ROBO1: variants seen among roughly 807,000 people sequenced by gnomAD.
The protein encoded by ROBO1 is roundabout homolog 1.
A neutral mutation model predicts 195.9 loss-of-function variants in ROBO1; 149 were observed. That is an observed-to-expected ratio of 0.76 (90% confidence interval 0.67 to 0.87). ROBO1 has a LOEUF of 0.87. Among genes scored for constraint, ROBO1 ranks in the 40% least tolerant of loss-of-function variants. ROBO1 has a pLI of 0.00. For synonymous variants in ROBO1, 816 were observed against 733.2 expected, an observed-to-expected ratio of 1.11 and a Z score of -1.82; for missense variants, 1,933 against 2,068.3, an observed-to-expected ratio of 0.93 and a Z score of 1.27.
intron 2 of ROBO1, among the ~76,000 whole-genome samples, chr3:79,194,725 A>G (rs2081602258): frequency 6.6e-6 from 1 of 151,714 alleles, no homozygotes. Context: ...TTATTGTAGT[A>G]GAATGGTGAA....
At chr3:79,200,071 A>G (rs2081733743) in intron 2 of ROBO1, among the ~76,000 whole-genome samples, 1 of 151,832 alleles carries the variant, frequency 6.6e-6, no homozygotes, top group Admixed American at 6.6e-5. Flanking sequence ...CAAAAAGCAG[A>G]GCCATTTATA....
At chr3:78,938,402 A>G (rs1335748328) in intron 4 of ROBO1, 199 bp downstream of exon 4, 3 of 537,410 alleles carry the variant, frequency 5.6e-6, no homozygotes, top group Non-Finnish European at 9.9e-6. Context: ...AACTGTGTGT[A>G]AATACCAATT....
intron 1 of ROBO1, among the ~76,000 whole-genome samples, chr3:79,725,262 T>C (rs1442240332): frequency 7.0e-6 from 1 of 142,892 alleles, no homozygotes; most frequent in East Asian, 2.1e-4. Flanking sequence ...AGTCTCGCTC[T>C]GTCGCCCAGG....
At chr3:78,923,050 A>C (rs1307162489) in intron 4 of ROBO1, among the ~76,000 whole-genome samples, 1 of 152,168 alleles carries the variant, frequency 6.6e-6, no homozygotes, top group African/African-American at 2.4e-5. Flanking sequence ...ATTATTTTCC[A>C]ATAGTTATCC....
chr3:79,215,206 C>T (rs962678975), intron 2 of ROBO1, among the ~76,000 whole-genome samples: 10 of 152,086 alleles, frequency 6.6e-5, no homozygotes, highest in Admixed American at 5.9e-4. Flanking sequence ...GACTTGTACA[C>T]TTACGCCAAA....
rs1311960635 is a variant in ROBO1 at position 78,674,921 on chromosome 3, T to C, written c.1343-4620A>G. On this transcript the variant is annotated intron_variant, in intron 10 of 30. Coordinates refer to ENST00000464233, the MANE Select transcript of ROBO1 (RefSeq NM_002941.4). ...TTCTAATGTCTCTATATATTGGTTA[T>C]AGTAGTCATTATTGAATTCACTATA... Among the ~76,000 whole-genome samples the C allele has an allele frequency of 3.3e-5, 5 of 152,312 alleles. No homozygotes were observed. In the South Asian group the frequency reaches 6.2e-4, roughly 19 times the overall value.
chr3:79,263,483 T>C (rs1312763502), intron 2 of ROBO1, among the ~76,000 whole-genome samples: 1 of 151,876 alleles, frequency 6.6e-6, no homozygotes, highest in African/African-American at 2.4e-5. Context: ...ACCCTGTCTC[T>C]ACAAAAAAAA....
chr3:78,846,081 T>A (rs888265174), intron 4 of ROBO1, among the ~76,000 whole-genome samples: 6 of 152,072 alleles, frequency 3.9e-5, no homozygotes, highest in African/African-American at 1.4e-4. Context: ...AGGATGAGGC[T>A]TCTCGCCACT....
Position 79,670,157 on chromosome 3 carries a change from T to C in ROBO1, c.-50-80196A>G, listed in dbSNP as rs185450217. Among the ~76,000 whole-genome samples the C allele has an allele frequency of 5.3e-5, 8 of 152,064 alleles. No homozygotes were observed. In the East Asian group the frequency reaches 1.2e-3, roughly 22 times the overall value. On this transcript the variant is annotated intron_variant, in intron 1 of 30. Transcript: ENST00000464233. The stretch of plus-strand genomic sequence containing the variant: ...GGATAAGAATCTATATTATTATCCA[T>C]AGATGCCATAAATAAGATATAGGAT...
chr3:79,532,483 A>G (rs9854661), intron 2 of ROBO1, among the ~76,000 whole-genome samples: 86,534 of 151,624 alleles, frequency 0.57, 24,794 homozygotes, highest in Non-Finnish European at 0.59. Flanking sequence ...AAATAAGTCA[A>G]AAATGTAGTT....
At chr3:79,433,550 C>T (rs2038764019) in intron 2 of ROBO1, among the ~76,000 whole-genome samples, 1 of 152,020 alleles carries the variant, frequency 6.6e-6, no homozygotes, top group Non-Finnish European at 1.5e-5. Context: ...GTGTGCACCA[C>T]CAGACCCACC....
intron 4 of ROBO1, among the ~76,000 whole-genome samples, chr3:78,829,820 G>C (rs2031986271): frequency 6.6e-6 from 1 of 152,106 alleles, no homozygotes; most frequent in Non-Finnish European, 1.5e-5. Context: ...GGGTAAATAA[G>C]GACCAGGCTG....
intron 2 of ROBO1, among the ~76,000 whole-genome samples, chr3:79,174,980 A>G (rs1163310589): frequency 6.6e-6 from 1 of 152,126 alleles, no homozygotes; most frequent in Non-Finnish European, 1.5e-5. Context: ...AAATGATAAA[A>G]CCAAGGTAGA....
intron 2 of ROBO1, among the ~76,000 whole-genome samples, chr3:79,380,304 T>G (rs2036526091): frequency 6.6e-6 from 1 of 152,202 alleles, no homozygotes; most frequent in Non-Finnish European, 1.5e-5. Flanking sequence ...AGTTAATCCC[T>G]CTATGCAAGT....
chr3:79,061,223 C>A (rs1219281352), intron 3 of ROBO1, among the ~76,000 whole-genome samples: 1 of 152,088 alleles, frequency 6.6e-6, no homozygotes, highest in Non-Finnish European at 1.5e-5. Flanking sequence ...AAACACAGAG[C>A]CAAATCACGA....
intron 2 of ROBO1, among the ~76,000 whole-genome samples, chr3:79,467,233 C>T (rs1247285524): frequency 6.6e-6 from 1 of 151,916 alleles, no homozygotes; most frequent in Non-Finnish European, 1.5e-5. Context: ...TACATTAGAC[C>T]ATGATTCTAA....
At chr3:79,004,272 T>C (rs1200998089) in intron 3 of ROBO1, among the ~76,000 whole-genome samples, 1 of 152,224 alleles carries the variant, frequency 6.6e-6, no homozygotes, top group African/African-American at 2.4e-5. Flanking sequence ...CATGTGTTCA[T>C]TTTTCTGTTT....
At chr3:79,433,609 G>A (rs2038767394) in intron 2 of ROBO1, among the ~76,000 whole-genome samples, 1 of 152,030 alleles carries the variant, frequency 6.6e-6, no homozygotes, top group Admixed American at 6.6e-5. Flanking sequence ...TCAGTATCGT[G>A]AAATTGGCCA....
intron 2 of ROBO1, among the ~76,000 whole-genome samples, chr3:79,351,060 G>A (rs1169458889): frequency 6.6e-6 from 1 of 152,112 alleles, no homozygotes; most frequent in Non-Finnish European, 1.5e-5. Flanking sequence ...CCATGAGTAT[G>A]AGTATATTAA....
Sources: allele counts gnomAD v4.1 joint callset (sites outside exome capture counted in the v4.1 genomes callset), GRCh38; gene constraint gnomAD v4.1.1; transcripts MANE v1.5; gene names NCBI Gene and HGNC (gene_info 2026-07-23, HGNC 2026-07-21).